The following FAAP20 variants were observed in gnomAD, a reference collection of about 807,000 sequenced individuals.
FAAP20 encodes the protein FA core complex associated protein 20, also known as Fanconi anemia core complex-associated protein 20.
FAAP20 carries 12 observed loss-of-function variants against 16.2 expected under a neutral mutation model. That is an observed-to-expected ratio of 0.74 (90% confidence interval 0.48 to 1.20). FAAP20 has a LOEUF of 1.20. Among genes scored for constraint, FAAP20 ranks in the 50% most tolerant of loss-of-function variants. FAAP20 has a pLI of 0.00. For synonymous variants in FAAP20, 141 were observed against 110.7 expected, an observed-to-expected ratio of 1.27 and a Z score of -1.72; for missense variants, 288 against 245.8, an observed-to-expected ratio of 1.17 and a Z score of -1.15.
downstream of FAAP20, chr1:2,189,521 A>T (rs893612915): frequency 4.8e-6 from 3 of 620,990 alleles, no homozygotes; most frequent in African/African-American, 5.4e-5. Context: ...GCCCTAAACC[A>T]AACGTCAGAA....
chr1:2,194,071 T>C lies in FAAP20; in HGVS notation c.125A>G (p.Glu42Gly). 6.2e-7 allele frequency: 1 copy of C among 1,612,356 alleles called. No homozygotes were observed. The highest frequency in any genetic ancestry group is 8.5e-7 in the Non-Finnish European group (1 of 1,179,892). Reference protein sequence around the residue: ...GGDERERLWAELLRTVSPELI... With the variant: ...GGDERERLWAGLLRTVSPELI... ...CTCCGGGCTCACCGTGCGCAGTAGC[T>C]CGGCCCAGAGCCGCTCCCGCTCATC... The change falls in exon 2 of 4, where the codon GAG (glutamate) becomes GGG (glycine). Residue 42 changes from glutamate to glycine, a missense_variant. Coordinates refer to ENST00000378546, the MANE Select transcript of FAAP20 (RefSeq NM_182533.4).
chr1:2,190,697 G>C (rs764832322), intron 3 of FAAP20: 24 of 328,010 alleles, frequency 7.3e-5, no homozygotes, highest in Admixed American at 5.5e-4. Flanking sequence ...AGATCTTGCT[G>C]GAGGCCAAGT....
chr1:2,195,485 G>A (rs766771704), upstream of FAAP20, among the ~76,000 whole-genome samples: 3 of 152,272 alleles, frequency 2.0e-5, no homozygotes, highest in Non-Finnish European at 2.9e-5. Context: ...CACGGAAGGA[G>A]TGGGGTCTAC....
At chr1:2,189,011 G>GAAAAA (rs71578368), downstream of FAAP20, among the ~76,000 whole-genome samples, 1 of 105,912 alleles carries the variant, frequency 9.4e-6, no homozygotes, top group African/African-American at 3.4e-5. Context: ...TCTCAAAAAA[G>GAAAAA]AAAAAAAAAA....
chr1:2,201,845 G>A (rs1020674443), upstream of FAAP20, among the ~76,000 whole-genome samples: 43 of 151,726 alleles, frequency 2.8e-4, no homozygotes, highest in Admixed American at 2.2e-3. Context: ...GTGAAACCCT[G>A]TTTCTACTAA....
upstream of FAAP20, chr1:2,201,023 C>T (rs1278466859): frequency 7.8e-7 from 1 of 1,283,176 alleles, no homozygotes; most frequent in Non-Finnish European, 1.0e-6. Flanking sequence ...GCTGCCTGGT[C>T]CCTGCACCTT....
chr1:2,198,291 G>T (rs1557788217), upstream of FAAP20: 1 of 739,302 alleles, frequency 1.4e-6, no homozygotes, highest in Non-Finnish European at 1.9e-6. Flanking sequence ...GTGGGTGGGG[G>T]CATCAGAGCC....
downstream of FAAP20, among the ~76,000 whole-genome samples, chr1:2,210,499 G>A (rs1689407078): frequency 6.6e-6 from 1 of 152,124 alleles, no homozygotes; most frequent in Non-Finnish European, 1.5e-5. Flanking sequence ...GTGGGGGTGG[G>A]GCTGATCTAG....
At chr1:2,198,031 T>C (rs1397751791), upstream of FAAP20, 2 of 1,291,228 alleles carry the variant, frequency 1.5e-6, no homozygotes, top group East Asian at 5.5e-5. Flanking sequence ...CCTCAAGTTA[T>C]CAGCATGACA....
At chr1:2,185,985 G>A (rs762605268), downstream of FAAP20, 36 of 386,990 alleles carry the variant, frequency 9.3e-5, no homozygotes, top group Middle Eastern at 1.1e-3. Context: ...GAACACACCC[G>A]CGCTCTCCGT....
At chr1:2,204,660 T>A (rs997054116), upstream of FAAP20, among the ~76,000 whole-genome samples, 5 of 151,730 alleles carry the variant, frequency 3.3e-5, no homozygotes, top group Non-Finnish European at 7.4e-5. Flanking sequence ...CCACTGCCCC[T>A]GACCCCACTG....
chr1:2,199,726 T>TGAGGCGATACTGGGTTAGGG (rs1180481237), upstream of FAAP20: 1 of 802,516 alleles, frequency 1.2e-6, no homozygotes, highest in African/African-American at 1.9e-5. This position sits in a 1 kb window ranked among gnomAD's most constrained non-coding sequence, Gnocchi z 4.5. Context: ...CAAACCAGGA[T>TGAGGCGATACTGGGTTAGGG]GAGGCGATAC....
intron 3 of FAAP20, among the ~76,000 whole-genome samples, chr1:2,205,066 C>T (rs1328198558): frequency 5.4e-5 from 4 of 74,120 alleles, no homozygotes; most frequent in Non-Finnish European, 8.4e-5. Flanking sequence ...GTCCCCAAGC[C>T]CCGCCCTTCC....
downstream of FAAP20, chr1:2,185,039 G>A (rs1687372715): frequency 5.1e-6 from 8 of 1,569,968 alleles, no homozygotes; most frequent in South Asian, 5.7e-5. Flanking sequence ...GTGGACACGC[G>A]TGATTGACCC....
chr1:2,211,399 TTATATATATATATATA>T (rs1158545722), downstream of FAAP20, among the ~76,000 whole-genome samples: 27 of 21,004 alleles, frequency 1.3e-3, 1 homozygote, highest in African/African-American at 5.5e-3. Flanking sequence ...CTGGCTAATT[TTATATATATATATATA>T]TATATATATA....
chr1:2,188,745 C>A (rs1300263945), downstream of FAAP20, among the ~76,000 whole-genome samples: 1 of 152,228 alleles, frequency 6.6e-6, no homozygotes, highest in Non-Finnish European at 1.5e-5. Flanking sequence ...GTGGCTCACG[C>A]CTGTAATCCC....
At chr1:2,198,798 A>G, upstream of FAAP20, 1 of 1,289,546 alleles carries the variant, frequency 7.8e-7, no homozygotes, top group South Asian at 1.2e-5. Context: ...CTTCTGACGC[A>G]GCCAGGAACT....
chr1:2,205,524 C>A lies in FAAP20; in HGVS notation n.451+781G>T, dbSNP rs565493891. Among the ~76,000 whole-genome samples, 3 of 152,152 alleles carry A rather than the reference C, an allele frequency of 2.0e-5. No homozygotes were observed. The East Asian group carries it at 5.9e-4, about 30-fold the overall frequency. On this transcript the variant is annotated intron_variant and non_coding_transcript_variant, in intron 3 of 7. Coordinates refer to the FAAP20 transcript ENST00000469733. ...AGGGCGAGCGCGCTTCCGGGGCGGC[C>A]GTGCAAGAGGCGTGGGAAGCGCGCG...
In FAAP20 at chr1:2,194,142, G is replaced by A. The variant is rs987740786; in HGVS notation, c.63-9C>T. On this transcript the variant is annotated splice_polypyrimidine_tract_variant and intron_variant, in intron 1 of 3. Coordinates refer to ENST00000378546, the MANE Select transcript of FAAP20 (RefSeq NM_182533.4). ...GGCGGCCGCCAGAAGGCCTGGGGCA[G>A]ACAGAGAGGGCAGACAGGGGGTACT... 6.2e-7 allele frequency: 1 copy of A among 1,611,998 alleles called. No homozygotes were observed. Among genetic ancestry groups the A allele is most frequent in the African/African-American group, 1.3e-5 (1 of 74,972 alleles).
Sources: allele counts gnomAD v4.1 joint callset (sites outside exome capture counted in the v4.1 genomes callset), GRCh38; gene constraint gnomAD v4.1.1; non-coding constraint Gnocchi (gnomAD v3.1); transcripts MANE v1.5; gene names NCBI Gene and HGNC (gene_info 2026-07-23, HGNC 2026-07-21).